Variants in MMP16 observed in about 807,000 individuals in gnomAD.
The protein encoded by MMP16 is matrix metalloproteinase-16.
MMP16 carries 12 observed loss-of-function variants against 67.8 expected under a neutral mutation model. That is an observed-to-expected ratio of 0.18 (90% CI 0.11 to 0.29). The LOEUF is 0.29. MMP16 is among the 10% of genes least tolerant of loss of function. The pLI is 1.00. For missense variants in MMP16, 475 were observed against 765.7 expected, an observed-to-expected ratio of 0.62 and a Z score of 4.48; for synonymous variants, 249 against 255.9, an observed-to-expected ratio of 0.97 and a Z score of 0.26.
At chr8:88,169,558 A>C (rs955749198) in intron 3 of MMP16, among the ~76,000 whole-genome samples, 2 of 152,288 alleles carry the variant, frequency 1.3e-5, no homozygotes, top group Non-Finnish European at 2.9e-5. Context: ...TCTAAGATAA[A>C]TTTTTCACTA....
rs368059256 is a variant in MMP16, at chr8:88,221,873, T to A, written c.133-24567A>T. 6.3e-4 allele frequency among the ~76,000 whole-genome samples: 96 copies of A among 152,242 alleles called. 1 individual carries two copies. In the South Asian group the frequency reaches 0.019, roughly 30 times the overall value. On this transcript the variant is annotated intron_variant, in intron 1 of 9. Coordinates refer to ENST00000286614, the MANE Select transcript of MMP16 (RefSeq NM_005941.5). ...AGACCTATATGAAGTTGAAAGCCTA[T>A]AATCATATACTGATTTCAGATAAAT...
intron 1 of MMP16, among the ~76,000 whole-genome samples, chr8:88,264,051 T>C (rs1382863162): frequency 1.6e-5 from 2 of 124,458 alleles, no homozygotes; most frequent in Admixed American, 1.9e-4. Flanking sequence ...TATATATATA[T>C]ATATAGGGAG....
intron 6 of MMP16, among the ~76,000 whole-genome samples, chr8:88,093,260 T>C (rs761793041): frequency 2.6e-4 from 39 of 151,966 alleles, no homozygotes; most frequent in African/African-American, 8.7e-4. Context: ...GTCTAAGTGC[T>C]TCAGAAGCCG....
intron 3 of MMP16, among the ~76,000 whole-genome samples, chr8:88,180,115 C>G (rs1411117467): frequency 2.0e-5 from 3 of 151,980 alleles, no homozygotes; most frequent in African/African-American, 7.3e-5. Flanking sequence ...AATCCCATCT[C>G]TACTAAAAAT....
chr8:88,294,994 T>G (rs1414135680), intron 1 of MMP16, among the ~76,000 whole-genome samples: 1 of 152,230 alleles, frequency 6.6e-6, no homozygotes, highest in South Asian at 2.1e-4. Flanking sequence ...ATTACAGGCA[T>G]GAGCCACCGG....
chr8:88,321,108 C>T (rs1000808837), intron 1 of MMP16, among the ~76,000 whole-genome samples: 3 of 152,238 alleles, frequency 2.0e-5, no homozygotes, highest in South Asian at 4.1e-4. Flanking sequence ...TTATTGTTCA[C>T]ATAAACTACA....
At chr8:88,288,150 G>T (rs1810862958) in intron 1 of MMP16, among the ~76,000 whole-genome samples, 1 of 152,092 alleles carries the variant, frequency 6.6e-6, no homozygotes, top group Non-Finnish European at 1.5e-5. Context: ...GGGTCCTCTT[G>T]TACTTAAAAA....
At chr8:88,168,486 G>C (rs1263303954) in intron 3 of MMP16, among the ~76,000 whole-genome samples, 1 of 152,090 alleles carries the variant, frequency 6.6e-6, no homozygotes, top group Admixed American at 6.6e-5. Flanking sequence ...AATTTCTGAT[G>C]TTCTATTGTT....
chr8:88,216,385 C>T (rs1282540403), intron 1 of MMP16, among the ~76,000 whole-genome samples: 3 of 152,174 alleles, frequency 2.0e-5, no homozygotes, highest in Admixed American at 6.5e-5. Context: ...TATTGTATTT[C>T]GTATAAACAT....
At chr8:88,163,066 A>G (rs1433201991) in intron 4 of MMP16, among the ~76,000 whole-genome samples, 1 of 152,044 alleles carries the variant, frequency 6.6e-6, no homozygotes, top group Non-Finnish European at 1.5e-5. Context: ...AATGAGCAGG[A>G]AAGGTTGGGA....
At chr8:88,248,880 A>G (rs192622536) in intron 1 of MMP16, among the ~76,000 whole-genome samples, 49 of 152,190 alleles carry the variant, frequency 3.2e-4, no homozygotes, top group Middle Eastern at 3.4e-3. Flanking sequence ...GCTATGACCA[A>G]TATCTAATAT....
intron 1 of MMP16, among the ~76,000 whole-genome samples, chr8:88,236,010 T>C (rs1809934743): frequency 1.3e-5 from 2 of 152,168 alleles, no homozygotes; most frequent in East Asian, 1.9e-4. Context: ...TTTACTCACA[T>C]AACTAGATGT....
chr8:88,086,893 TAA>T (rs1808842657), intron 6 of MMP16, among the ~76,000 whole-genome samples: 1 of 151,904 alleles, frequency 6.6e-6, no homozygotes, highest in Non-Finnish European at 1.5e-5. Context: ...TCTGTCTTAT[TAA>T]AAGACTGTAC....
At chr8:88,112,062 T>C (rs1563535182) in intron 6 of MMP16, among the ~76,000 whole-genome samples, 1 of 151,822 alleles carries the variant, frequency 6.6e-6, no homozygotes, top group Non-Finnish European at 1.5e-5. Flanking sequence ...ACATTTACTA[T>C]ACTTCTTTGA....
At chr8:88,197,881 G>A (rs1409046686) in intron 1 of MMP16, among the ~76,000 whole-genome samples, 1 of 152,076 alleles carries the variant, frequency 6.6e-6, no homozygotes, top group Admixed American at 6.6e-5. Flanking sequence ...ACTTTACCAG[G>A]TAAAGAATAT....
chr8:88,223,919 G>A (rs1372983254), intron 1 of MMP16, among the ~76,000 whole-genome samples: 3 of 151,924 alleles, frequency 2.0e-5, no homozygotes, highest in Non-Finnish European at 4.4e-5. Flanking sequence ...AGCTAAAATA[G>A]TGAGAATAGC....
intron 4 of MMP16, among the ~76,000 whole-genome samples, chr8:88,154,258 C>T (rs972826479): frequency 1.5e-5 from 2 of 135,622 alleles, no homozygotes; most frequent in Non-Finnish European, 3.1e-5. Context: ...AACACTTTTA[C>T]ACTGTTGGTG....
intron 1 of MMP16, among the ~76,000 whole-genome samples, chr8:88,230,537 T>A (rs1354350351): frequency 0.014 from 1 of 70 alleles, no homozygotes; most frequent in East Asian, 0.5. Flanking sequence ...TCAATTTTCT[T>A]TTTTTTTTTT....
intron 7 of MMP16, among the ~76,000 whole-genome samples, chr8:88,072,837 G>T (rs767805131): frequency 6.6e-6 from 1 of 152,158 alleles, no homozygotes; most frequent in African/African-American, 2.4e-5. Context: ...CTTTGTGCAA[G>T]TTAGAAGGTA....
Sources: gnomAD v4.1 joint callset for allele counts (sites outside exome capture counted in the v4.1 genomes callset) on GRCh38, gnomAD v4.1.1 for gene constraint, MANE v1.5 for transcripts, NCBI Gene and HGNC (gene_info 2026-07-23, HGNC 2026-07-21) for gene names.